CUL4A: variants seen among roughly 807,000 people sequenced by gnomAD.
CUL4A encodes the protein cullin 4A.
A neutral mutation model predicts 95.5 loss-of-function variants in CUL4A; 16 were observed. The observed-to-expected ratio is 0.17, with a 90% CI of 0.11 to 0.25. The LOEUF is 0.25. Among genes scored for constraint, CUL4A ranks in the 10% least tolerant of loss-of-function variants. CUL4A has a pLI of 1.00. For missense variants in CUL4A, 610 were observed against 937.0 expected (o/e 0.65, Z 4.56); for synonymous variants, 380 against 353.1 (o/e 1.08, Z -0.85).
intron 5 of CUL4A, among the ~76,000 whole-genome samples, chr13:113,231,325 G>T (rs1294798342): frequency 6.6e-6 from 1 of 152,182 alleles, no homozygotes; most frequent in African/African-American, 2.4e-5. Flanking sequence ...TGAAGAATGA[G>T]CAAAGGTGGT....
intron 2 of CUL4A, 94 bp downstream of exon 2, chr13:113,210,182 C>G: frequency 3.7e-6 from 3 of 815,732 alleles, no homozygotes; most frequent in Middle Eastern, 3.8e-4. Flanking sequence ...AGGCTCTCGC[C>G]GGGGAGCGGA....
chr13:113,263,381 T>G, intron 19 of CUL4A, 106 bp from the exon 20 acceptor site: 32 of 424,904 alleles, frequency 7.5e-5, no homozygotes. Flanking sequence ...TTTGTATATA[T>G]ATTTCTATAA....
At chr13:113,253,033 G>C (rs554530723) in intron 15 of CUL4A, 49 bp from the exon 16 acceptor site, 1 of 870,556 alleles carries the variant, frequency 1.1e-6, no homozygotes, top group South Asian at 1.7e-5. Flanking sequence ...GGGAGCTATT[G>C]AGATGGATGG....
Position 113,253,035 on chromosome 13 carries a change from G to T in CUL4A, c.1639-47G>T, listed in dbSNP as rs753609022. On this transcript the variant is annotated intron_variant, in intron 15 of 19. Coordinates refer to ENST00000375440, the MANE Select transcript of CUL4A (RefSeq NM_001008895.4). The stretch of plus-strand genomic sequence containing the variant: ...TGTGCATTGAATGGGGAGCTATTGA[G>T]ATGGATGGTGTGTGGCATAATTTTG... 1.8e-5 allele frequency: 16 copies of T among 900,286 alleles called. No individual in the cohort carries two copies. The South Asian group carries it at 2.7e-4, about 15-fold the overall frequency. 55.8% of individuals were successfully genotyped at this position (900,286 alleles called of 1,614,324 possible).
At chr13:113,245,850 AACAC>A (rs1323176214) in intron 14 of CUL4A, 102 bp from the exon 15 acceptor site, 1 of 864,774 alleles carries the variant, frequency 1.2e-6, no homozygotes, top group African/African-American at 1.7e-5. Context: ...GATAAATTCT[AACAC>A]AGATGAAACT....
At chr13:113,234,524 A>G (rs757241185) in intron 7 of CUL4A, among the ~76,000 whole-genome samples, 3 of 152,196 alleles carry the variant, frequency 2.0e-5, no homozygotes, top group Non-Finnish European at 2.9e-5. Context: ...CTGGCTTTGC[A>G]GAGGAAGTTT....
intron 6 of CUL4A, 27 bp downstream of exon 6, chr13:113,233,366 C>G (rs1447122536): frequency 6.3e-7 from 1 of 1,597,842 alleles, no homozygotes; most frequent in Admixed American, 1.7e-5. Flanking sequence ...CGGAAGATAC[C>G]TGGGTACCTG....
rs771113539 is a variant in CUL4A, at chr13:113,236,814, C to G, written c.849-9C>G. On this transcript the variant is annotated splice_polypyrimidine_tract_variant and intron_variant, in intron 8 of 19. Transcript: ENST00000375440. The stretch of plus-strand genomic sequence containing the variant: ...TACTTCTAACGCTTATTCTTTTTAC[C>G]TTATATAGGAAACCACTGATTGCTT... The G allele has an allele frequency of 6.3e-7, 1 of 1,590,610 alleles. No individual in the cohort carries two copies. The highest frequency in any genetic ancestry group is 1.1e-5 in the South Asian group (1 of 88,994).
Position 113,233,302 on chromosome 13 carries a change from T to C in CUL4A, c.638T>C (p.Leu213Pro). Reference sequence around the variant, plus strand: ...AGCGGCGAGGCCGTGGACCGGAGCCTGTTGCGGAGCCTCCTGGGCATGCTG... The same window carrying C: ...AGCGGCGAGGCCGTGGACCGGAGCCCGTTGCGGAGCCTCCTGGGCATGCTG... The part of the protein sequence containing the change: ...ERSGEAVDRS[L>P]LRSLLGMLSD... Residue 213 changes from leucine to proline, a missense_variant, in exon 6 of 20, where the codon CTG becomes CCG. Coordinates refer to ENST00000375440, the MANE Select transcript of CUL4A (RefSeq NM_001008895.4). 6.2e-7 allele frequency: 1 copy of C among 1,613,484 alleles called. No homozygotes were observed. The highest frequency in any genetic ancestry group is 8.5e-7 in the Non-Finnish European group (1 of 1,179,938).
In CUL4A at chr13:113,254,845, A is replaced by C. The variant is rs940003229; in HGVS notation, c.1858+47A>C. On this transcript the variant is annotated intron_variant, in intron 17 of 19. Transcript: ENST00000375440. ...TAGCTCCATGAGTTGTTCTTAAAGC[A>C]TGTATTTGTTTTAAGATAAGACATA... The C allele has an allele frequency of 4.4e-6, 7 of 1,593,224 alleles. No homozygotes were observed. In the African/African-American group the frequency reaches 6.7e-5, roughly 15 times the overall value.
At chr13:113,239,234 A>C (rs952892617) in intron 9 of CUL4A, among the ~76,000 whole-genome samples, 199 bp from the exon 10 acceptor site, 4 of 152,230 alleles carry the variant, frequency 2.6e-5, no homozygotes, top group African/African-American at 9.6e-5. Context: ...CAACATACTC[A>C]GAGAAAATGA....
intron 2 of CUL4A, among the ~76,000 whole-genome samples, chr13:113,213,142 C>CT (rs1837932569): frequency 6.6e-6 from 1 of 152,134 alleles, no homozygotes. Context: ...AATCCCAGCA[C>CT]TTTGGGGGGC....
chr13:113,210,201 G>C, intron 2 of CUL4A, 113 bp downstream of exon 2: 1 of 656,836 alleles, frequency 1.5e-6, no homozygotes, highest in Non-Finnish European at 2.4e-6. Context: ...GAAAGGCAGG[G>C]CGTTTGCCTC....
intron 15 of CUL4A, among the ~76,000 whole-genome samples, chr13:113,250,826 AT>A (rs1186356128): frequency 6.6e-6 from 1 of 152,200 alleles, no homozygotes; most frequent in African/African-American, 2.4e-5. Flanking sequence ...TACAAATGAA[AT>A]GAAATCGATG....
chr13:113,254,920 G>A lies in CUL4A; in HGVS notation c.1859-33G>A, dbSNP rs142801414. On this transcript the variant is annotated intron_variant, in intron 17 of 19. Coordinates refer to ENST00000375440, the MANE Select transcript of CUL4A (RefSeq NM_001008895.4). ...TGTTGTTGAGTCTCATTCGTTTAAC[G>A]CCAGCCTTTGCCTGCATTTGCTTCC... 5.4e-4 allele frequency: 863 copies of A among 1,607,290 alleles called. 3 individuals are homozygous for A. The African/African-American group carries it at 8.5e-3, about 16-fold the overall frequency.
chr13:113,209,114 G>C (rs1265591904), upstream of CUL4A, among the ~76,000 whole-genome samples: 1 of 150,754 alleles, frequency 6.6e-6, no homozygotes, highest in Non-Finnish European at 1.5e-5. Flanking sequence ...TCCCGAGCCT[G>C]CAGGAGTTAG....
chr13:113,262,458 C>G (rs1365414781), intron 19 of CUL4A, among the ~76,000 whole-genome samples: 2 of 152,178 alleles, frequency 1.3e-5, no homozygotes, highest in African/African-American at 4.8e-5. Flanking sequence ...TGAGACCAGC[C>G]TGGGCAACAT....
Position 113,264,511 on chromosome 13 carries a change from T to A in CUL4A, c.*929T>A, listed in dbSNP as rs1170877852. On this transcript the variant is annotated 3_prime_UTR_variant, in exon 20 of 20. Coordinates refer to ENST00000375440, the MANE Select transcript of CUL4A (RefSeq NM_001008895.4). ...TCTTGATGTTGTGAAGCAGAGGTTATTTTGTGGAAAGATTAAAAGGATTTT... is the reference window on the plus strand; with the variant it reads ...TCTTGATGTTGTGAAGCAGAGGTTAATTTGTGGAAAGATTAAAAGGATTTT... The A allele has an allele frequency of 6.6e-6, 1 of 152,450 alleles. No individual in the cohort carries two copies. The highest frequency in any genetic ancestry group is 1.5e-5 in the Non-Finnish European group (1 of 68,044). The allele number at this position is 152,450 out of a possible 1,614,324, so 9.4% of individuals were successfully genotyped here. A position where few individuals can be genotyped will look rare whatever the true frequency, so the allele number is the denominator to read the frequency against.
At chr13:113,238,974 A>T (rs2041627485) in intron 9 of CUL4A, among the ~76,000 whole-genome samples, 1 of 152,264 alleles carries the variant, frequency 6.6e-6, no homozygotes, top group Non-Finnish European at 1.5e-5. Context: ...ATGCTGTGTT[A>T]AACACTTCAA....
Sources: gnomAD v4.1 joint callset for allele counts (sites outside exome capture counted in the v4.1 genomes callset) on GRCh38, gnomAD v4.1.1 for gene constraint, MANE v1.5 for transcripts, NCBI Gene and HGNC (gene_info 2026-07-23, HGNC 2026-07-21) for gene names.